The following EYS variants were observed in gnomAD, a reference collection of about 807,000 sequenced individuals.
The protein encoded by EYS is EGF-like photoreceptor maintenance factor.
In EYS, 250 loss-of-function variants were observed where a neutral mutation model predicts 282.1. The ratio of observed to expected loss-of-function variants is 0.89; its 90% confidence interval spans 0.80 to 0.98. The LOEUF is 0.98. EYS is among the 50% of genes least tolerant of loss of function. EYS has a pLI of 0.00. For synonymous variants in EYS, 1,355 were observed against 1,282.9 expected (o/e 1.06, Z -1.20); for missense variants, 4,016 against 3,709.0 (o/e 1.08, Z -2.15).
intron 29 of EYS, among the ~76,000 whole-genome samples, chr6:64,346,346 T>G (rs1195510216): frequency 6.6e-6 from 1 of 152,030 alleles, no homozygotes. Flanking sequence ...ATGTGTCACA[T>G]ACACACCATG....
chr6:64,340,479 C>T (rs548795897), intron 29 of EYS, among the ~76,000 whole-genome samples: 1 of 151,874 alleles, frequency 6.6e-6, no homozygotes, highest in Admixed American at 6.6e-5. Flanking sequence ...GAAAGATGTC[C>T]ATATTCAATA....
chr6:65,224,086 A>G (rs1362027537), intron 12 of EYS, among the ~76,000 whole-genome samples: 1 of 152,172 alleles, frequency 6.6e-6, no homozygotes, highest in African/African-American at 2.4e-5. Context: ...CATGCACAGG[A>G]TAGTCCATCC....
intron 12 of EYS, among the ~76,000 whole-genome samples, chr6:65,225,362 T>C (rs35607135): frequency 0.012 from 1,767 of 151,474 alleles, 16 homozygotes; most frequent in Non-Finnish European, 0.02. Flanking sequence ...GGTAAAAACA[T>C]TGTATACCCT....
intron 41 of EYS, among the ~76,000 whole-genome samples, chr6:63,760,225 A>G (rs575479284): frequency 1.6e-4 from 25 of 152,204 alleles, no homozygotes; most frequent in Admixed American, 1.2e-3. Flanking sequence ...CCATGAAAAA[A>G]GCAATTTACC....
At position 65,202,645 on chromosome 6, in the gene EYS, C is replaced by G. The variant is rs1448626221; in HGVS notation, c.2023+93218G>C. The stretch of plus-strand genomic sequence containing the variant: ...GGTATGGTGATGAGGAAGCTGGGTA[C>G]CCCTCCCTTCTTTAGACCTGACTGA... On this transcript the variant is annotated intron_variant, in intron 12 of 42. Coordinates refer to ENST00000503581, the MANE Select transcript of EYS (RefSeq NM_001142800.2). Among the ~76,000 whole-genome samples, 3 of 152,242 alleles carry G rather than the reference C, an allele frequency of 2.0e-5. No individual in the cohort carries two copies. The East Asian group carries it at 5.8e-4, about 29-fold the overall frequency.
At chr6:65,417,283 CA>C (rs1767276076) in intron 5 of EYS, among the ~76,000 whole-genome samples, 1 of 151,830 alleles carries the variant, frequency 6.6e-6, no homozygotes, top group South Asian at 2.1e-4. Flanking sequence ...AATTAACCTC[CA>C]AAAACACATT....
chr6:64,928,577 T>G lies in EYS; in HGVS notation c.2382-15834A>C, dbSNP rs560934145. ...ATTCTGGTTTTGTTTCATGGTATTA[T>G]GTTTTTACATTTTTCTTAAATTTTA... On this transcript the variant is annotated intron_variant, in intron 15 of 42. Transcript: ENST00000503581. 1.8e-4 allele frequency among the ~76,000 whole-genome samples: 28 copies of G among 152,282 alleles called. 1 individual carries two copies. The South Asian group carries it at 5.6e-3, about 30-fold the overall frequency.
chr6:64,616,989 T>C (rs1462239526), intron 24 of EYS, among the ~76,000 whole-genome samples: 1 of 152,080 alleles, frequency 6.6e-6, no homozygotes, highest in Non-Finnish European at 1.5e-5. Flanking sequence ...AGTTCAAACT[T>C]GCTGAGGAAG....
At chr6:65,576,760 T>C (rs1764683451) in intron 2 of EYS, among the ~76,000 whole-genome samples, 1 of 151,826 alleles carries the variant, frequency 6.6e-6, no homozygotes, top group African/African-American at 2.4e-5. Context: ...CAAAATTGAT[T>C]AGTGTTTCCA....
In EYS at chr6:63,764,908, A is replaced by G. The variant is rs148259282; in HGVS notation, c.7899-2275T>C. On this transcript the variant is annotated intron_variant, in intron 40 of 42. Coordinates refer to ENST00000503581, the MANE Select transcript of EYS (RefSeq NM_001142800.2). ...TTTTTCTTTTTGTTCCTTGGTTTCT[A>G]TAGCACCCTGTGAAATAGAGATAAT... is the stretch of plus-strand genomic sequence containing the variant. Among the ~76,000 whole-genome samples, 677 of 152,096 alleles carry G rather than the reference A, an allele frequency of 4.5e-3. 6 individuals carry two copies. The highest frequency in any genetic ancestry group is 0.016 in the African/African-American group (649 of 41,522).
intron 5 of EYS, among the ~76,000 whole-genome samples, chr6:65,474,334 G>A (rs180964653): frequency 1.2e-4 from 18 of 152,178 alleles, no homozygotes; most frequent in Admixed American, 9.8e-4. Flanking sequence ...AAAAGAACGT[G>A]TGGTGTGGTA....
intron 12 of EYS, among the ~76,000 whole-genome samples, chr6:65,067,631 A>T (rs1036714151): frequency 2.0e-5 from 3 of 152,074 alleles, no homozygotes; most frequent in Non-Finnish European, 4.4e-5. Flanking sequence ...ATAATTAACT[A>T]CTAGGAGGAG....
chr6:65,346,252 C>T (rs1350360039), intron 9 of EYS, among the ~76,000 whole-genome samples: 4 of 151,412 alleles, frequency 2.6e-5, no homozygotes, highest in Non-Finnish European at 4.4e-5. Context: ...ATATGATCAC[C>T]CCACATTTGG....
At chr6:64,250,863 A>G (rs937187733) in intron 30 of EYS, among the ~76,000 whole-genome samples, 1 of 152,294 alleles carries the variant, frequency 6.6e-6, no homozygotes, top group South Asian at 2.1e-4. Context: ...ACGTGTTGGC[A>G]TACTATTTTT....
At chr6:64,922,303 C>T (rs1768370984) in intron 15 of EYS, among the ~76,000 whole-genome samples, 1 of 152,178 alleles carries the variant, frequency 6.6e-6, no homozygotes, top group African/African-American at 2.4e-5. Flanking sequence ...TGTTGACTCA[C>T]ACACATTCCC....
chr6:65,627,572 C>CCAGCTGGAGTTCCGGGT (rs1259394236), intron 2 of EYS, among the ~76,000 whole-genome samples: 14 of 152,232 alleles, frequency 9.2e-5, no homozygotes, highest in African/African-American at 2.6e-4. Context: ...CGCTTGCGGG[C>CCAGCTGGAGTTCCGGGT]CAGCTGGAGT....
chr6:64,186,566 TAAAAG>T (rs1047855217), intron 31 of EYS, among the ~76,000 whole-genome samples: 11 of 152,200 alleles, frequency 7.2e-5, no homozygotes, highest in African/African-American at 2.6e-4. Context: ...TTGGACCCCT[TAAAAG>T]AATATCACCA....
At chr6:64,160,463 G>A (rs1244709296) in intron 31 of EYS, among the ~76,000 whole-genome samples, 1 of 152,114 alleles carries the variant, frequency 6.6e-6, no homozygotes, top group African/African-American at 2.4e-5. Context: ...GAACATGGAA[G>A]CAAAAATTCA....
intron 19 of EYS, among the ~76,000 whole-genome samples, chr6:64,855,222 T>C (rs574467904): frequency 6.6e-6 from 1 of 152,130 alleles, no homozygotes; most frequent in African/African-American, 2.4e-5. Context: ...TTCTCTGAGC[T>C]TTGTGGATTG....
Sources: gnomAD v4.1 joint callset for allele counts (sites outside exome capture counted in the v4.1 genomes callset) on GRCh38, gnomAD v4.1.1 for gene constraint, MANE v1.5 for transcripts, NCBI Gene and HGNC (gene_info 2026-07-23, HGNC 2026-07-21) for gene names.